GRM7: variants seen among roughly 807,000 people sequenced by gnomAD.
GRM7 encodes the protein glutamate metabotropic receptor 7.
Under a neutral mutation model 84.5 loss-of-function variants are expected in GRM7, and 35 were observed. The observed-to-expected ratio is 0.41, with a 90% CI of 0.32 to 0.55. The LOEUF is 0.55. Among genes scored for constraint, GRM7 ranks in the 20% least tolerant of loss-of-function variants. GRM7 has a pLI of 0.19. For synonymous variants in GRM7, 487 were observed against 455.1 expected, an observed-to-expected ratio of 1.07 and a Z score of -0.89; for missense variants, 1,003 against 1,194.6, an observed-to-expected ratio of 0.84 and a Z score of 2.36.
chr3:7,570,938 A>G (rs932235284), intron 7 of GRM7, among the ~76,000 whole-genome samples: 19 of 152,178 alleles, frequency 1.2e-4, no homozygotes, highest in African/African-American at 3.4e-4. Context: ...CACAGGCTCA[A>G]TACTCCATGG....
chr3:7,276,237 G>GTT (rs1699050792), intron 2 of GRM7, among the ~76,000 whole-genome samples: 2 of 150,706 alleles, frequency 1.3e-5, no homozygotes, highest in South Asian at 4.2e-4. Context: ...GTGTGTGTGT[G>GTT]TGTGTGTGTG....
intron 8 of GRM7, 63 bp from the exon 9 acceptor site, chr3:7,679,986 G>C: frequency 6.6e-7 from 1 of 1,509,118 alleles, no homozygotes; most frequent in South Asian, 1.2e-5. Flanking sequence ...ATCGCTTTAA[G>C]TGTTCAGACC....
At chr3:7,473,489 G>GGAGAGAGAGAGAGAAAGAGA (rs1698790220) in intron 7 of GRM7, among the ~76,000 whole-genome samples, 1 of 126,432 alleles carries the variant, frequency 7.9e-6, no homozygotes. Flanking sequence ...AAAACGAGAG[G>GGAGAGAGAGAGAGAAAGAGA]GAGAGAGAGA....
At chr3:7,302,871 T>C (rs754256281) in intron 3 of GRM7, among the ~76,000 whole-genome samples, 15 of 151,906 alleles carry the variant, frequency 9.9e-5, no homozygotes, top group South Asian at 4.1e-4. Flanking sequence ...CTTTGATCAT[T>C]TTTGGATACA....
At chr3:7,210,504 G>A (rs1696385400) in intron 2 of GRM7, among the ~76,000 whole-genome samples, 1 of 152,208 alleles carries the variant, frequency 6.6e-6, no homozygotes, top group Non-Finnish European at 1.5e-5. Flanking sequence ...GTTACAGAAG[G>A]TATGTGTTTT....
At position 7,166,738 on chromosome 3, in the gene GRM7, A is replaced by T. The variant is rs149314611; in HGVS notation, c.736+20070A>T. On this transcript the variant is annotated intron_variant, in intron 2 of 9. Coordinates refer to ENST00000357716, the MANE Select transcript of GRM7 (RefSeq NM_000844.4). ...ATGCCGCTTGATGGCACTGACATCC[A>T]TCAGAGAAAATGATTCTGCTTGAAT... 7.9e-5 allele frequency among the ~76,000 whole-genome samples: 12 copies of T among 152,298 alleles called. No individual in the cohort carries two copies. The East Asian group carries it at 2.3e-3, about 29-fold the overall frequency.
At chr3:7,491,086 A>G (rs934647044) in intron 7 of GRM7, among the ~76,000 whole-genome samples, 1 of 152,014 alleles carries the variant, frequency 6.6e-6, no homozygotes, top group Non-Finnish European at 1.5e-5. Context: ...AAACATTTCT[A>G]TAATATAATA....
At chr3:7,517,420 T>G (rs572464708) in intron 7 of GRM7, among the ~76,000 whole-genome samples, 7 of 152,116 alleles carry the variant, frequency 4.6e-5, no homozygotes, top group South Asian at 2.1e-4. Context: ...TGAGACAGAG[T>G]CTCGCTCTGT....
intron 2 of GRM7, among the ~76,000 whole-genome samples, chr3:7,202,905 A>T (rs748069292): frequency 6.6e-6 from 1 of 152,156 alleles, no homozygotes; most frequent in African/African-American, 2.4e-5. Flanking sequence ...ATTCTTACTG[A>T]AGTCTTCTTT....
intron 9 of GRM7, among the ~76,000 whole-genome samples, chr3:7,714,279 T>C (rs1701699102): frequency 6.6e-6 from 1 of 152,124 alleles, no homozygotes; most frequent in African/African-American, 2.4e-5. Flanking sequence ...GGCAACTCTT[T>C]CCATATCTCA....
intron 5 of GRM7, chr3:7,451,792 T>C (rs1346070509): frequency 6.6e-6 from 1 of 152,210 alleles, no homozygotes; most frequent in Non-Finnish European, 1.5e-5. Context: ...TCAGTTGTTA[T>C]CATTATTAGG....
intron 2 of GRM7, among the ~76,000 whole-genome samples, chr3:7,263,901 G>A (rs1432573595): frequency 1.3e-5 from 2 of 152,162 alleles, no homozygotes; most frequent in African/African-American, 2.4e-5. Flanking sequence ...AGGTCTGCCT[G>A]CATACACACG....
intron 5 of GRM7, among the ~76,000 whole-genome samples, chr3:7,440,692 G>A (rs1697252225): frequency 6.6e-6 from 1 of 152,096 alleles, no homozygotes; most frequent in Non-Finnish European, 1.5e-5. Context: ...CCCCTTCTTT[G>A]TGTCTATGTG....
chr3:7,427,801 T>C (rs919356541), intron 5 of GRM7, among the ~76,000 whole-genome samples: 1 of 152,134 alleles, frequency 6.6e-6, no homozygotes, highest in African/African-American at 2.4e-5. Flanking sequence ...CAGGAAGACA[T>C]AGCAATCTGC....
intron 9 of GRM7, among the ~76,000 whole-genome samples, chr3:7,725,151 C>CA (rs1702079474): frequency 6.6e-6 from 1 of 151,944 alleles, no homozygotes; most frequent in Non-Finnish European, 1.5e-5. Flanking sequence ...AGTGATATGA[C>CA]AAAAAATAAG....
intron 2 of GRM7, among the ~76,000 whole-genome samples, chr3:7,240,754 A>C (rs1488978553): frequency 6.6e-6 from 1 of 152,184 alleles, no homozygotes; most frequent in African/African-American, 2.4e-5. Flanking sequence ...CCTGGCACAT[A>C]AGTAAGCCCA....
At chr3:7,300,480 A>G (rs936279549) in intron 3 of GRM7, among the ~76,000 whole-genome samples, 1 of 152,206 alleles carries the variant, frequency 6.6e-6, no homozygotes, top group South Asian at 2.1e-4. Flanking sequence ...ACTGCCTTCC[A>G]GGTTCTTTGG....
chr3:7,423,057 C>A (rs570622379), intron 5 of GRM7, among the ~76,000 whole-genome samples: 8 of 152,072 alleles, frequency 5.3e-5, no homozygotes, highest in Non-Finnish European at 8.8e-5. Context: ...TATAGATGGA[C>A]CCTGCAGTAA....
At chr3:7,614,677 C>T (rs1220301589) in intron 8 of GRM7, among the ~76,000 whole-genome samples, 1 of 152,090 alleles carries the variant, frequency 6.6e-6, no homozygotes, top group Non-Finnish European at 1.5e-5. Flanking sequence ...TCCACATTAA[C>T]CTGTTAGACA....
Sources: gnomAD v4.1 joint callset for allele counts (sites outside exome capture counted in the v4.1 genomes callset) on GRCh38, gnomAD v4.1.1 for gene constraint, MANE v1.5 for transcripts, NCBI Gene and HGNC (gene_info 2026-07-23, HGNC 2026-07-21) for gene names.